DPP10: variants seen among roughly 807,000 people sequenced by gnomAD.
The protein encoded by DPP10 is dipeptidyl peptidase like 10.
DPP10 carries 33 observed loss-of-function variants against 120.9 expected under a neutral mutation model. That is an observed-to-expected ratio of 0.27 (90% CI 0.21 to 0.37). The LOEUF is 0.37. DPP10 is among the 10% of genes least tolerant of loss of function. The pLI, the probability that DPP10 is intolerant of heterozygous loss-of-function variation, is 1.00. For synonymous variants in DPP10, 337 were observed against 326.1 expected (o/e 1.03, Z -0.36); for missense variants, 816 against 942.8 (o/e 0.87, Z 1.76).
chr2:115,199,828 G>C (rs1244390542), intron 1 of DPP10, among the ~76,000 whole-genome samples: 1 of 152,042 alleles, frequency 6.6e-6, no homozygotes, highest in Non-Finnish European at 1.5e-5. Flanking sequence ...TAATTGACAG[G>C]TTGCAGATCT....
chr2:114,903,405 G>A (rs1054064239), intron 1 of DPP10, among the ~76,000 whole-genome samples: 1 of 152,180 alleles, frequency 6.6e-6, no homozygotes, highest in Non-Finnish European at 1.5e-5. Flanking sequence ...CACCAGTAAT[G>A]AATAAGAGAG....
At chr2:115,397,517 T>C (rs1374637948) in intron 3 of DPP10, among the ~76,000 whole-genome samples, 1 of 152,206 alleles carries the variant, frequency 6.6e-6, no homozygotes, top group Non-Finnish European at 1.5e-5. Context: ...AAAATTGTTA[T>C]AATTGGGTTA....
chr2:114,741,838 G>C (rs1276302669), intron 1 of DPP10, among the ~76,000 whole-genome samples: 1 of 152,124 alleles, frequency 6.6e-6, no homozygotes, highest in Non-Finnish European at 1.5e-5. Context: ...GGCAAGAAAG[G>C]ATTCTTTTCT....
chr2:115,775,142 A>G (rs1046230563), intron 13 of DPP10, among the ~76,000 whole-genome samples: 21 of 152,122 alleles, frequency 1.4e-4, no homozygotes, highest in African/African-American at 2.7e-4. Flanking sequence ...CAATAATTTT[A>G]TATGCATATA....
intron 1 of DPP10, among the ~76,000 whole-genome samples, chr2:115,251,738 A>G (rs1375700387): frequency 6.6e-6 from 1 of 152,206 alleles, no homozygotes; most frequent in East Asian, 1.9e-4. Context: ...CCCCAAGCAT[A>G]ATTCTGTTCT....
intron 1 of DPP10, among the ~76,000 whole-genome samples, chr2:114,534,202 C>A (rs906656821): frequency 1.3e-5 from 2 of 152,016 alleles, no homozygotes; most frequent in East Asian, 3.9e-4. Context: ...TCTGCATTAC[C>A]CTATCCCTCT....
At chr2:114,953,292 C>A (rs955029725) in intron 1 of DPP10, among the ~76,000 whole-genome samples, 1 of 151,980 alleles carries the variant, frequency 6.6e-6, no homozygotes, top group African/African-American at 2.4e-5. Flanking sequence ...GTTAAAATTA[C>A]GTTAATAAAG....
intron 1 of DPP10, among the ~76,000 whole-genome samples, chr2:115,029,610 AT>A (rs1414148529): frequency 6.6e-6 from 1 of 151,526 alleles, no homozygotes; most frequent in African/African-American, 2.4e-5. Flanking sequence ...CCTAGATGGC[AT>A]TTTTTTCTTT....
chr2:114,581,727 G>A (rs867382680), intron 1 of DPP10, among the ~76,000 whole-genome samples: 5 of 152,084 alleles, frequency 3.3e-5, no homozygotes, highest in African/African-American at 7.2e-5. Flanking sequence ...TTATATCTGT[G>A]TAAACTCATA....
chr2:115,130,837 A>G (rs903328307), intron 1 of DPP10: 2 of 152,192 alleles, frequency 1.3e-5, no homozygotes, highest in South Asian at 2.1e-4. Flanking sequence ...TATCCCCTGC[A>G]TTCTGTCAAT....
chr2:115,749,679 G>A (rs188471554), intron 10 of DPP10, among the ~76,000 whole-genome samples: 11 of 152,110 alleles, frequency 7.2e-5, no homozygotes, highest in African/African-American at 1.4e-4. Flanking sequence ...TTTGTAGAAC[G>A]CTAGCTATAA....
chr2:115,019,067 C>T (rs1702880457), intron 1 of DPP10, among the ~76,000 whole-genome samples: 1 of 151,676 alleles, frequency 6.6e-6, no homozygotes, highest in Admixed American at 6.6e-5. Context: ...CCTCCCCCAC[C>T]ATTCTCGCAC....
At position 115,525,924 on chromosome 2, in the gene DPP10, A is replaced by C; in HGVS notation, c.393A>C (p.Ser131=). ...TAACCTTCAAAGCATCAAGACATTCAGTTTCACCAGATTTAAAATATGTCC... is the reference window on the plus strand; with the variant it reads ...TAACCTTCAAAGCATCAAGACATTCCGTTTCACCAGATTTAAAATATGTCC... ...TFVTFKASRH[S]VSPDLKYVLL... Residue 131 remains serine, a synonymous_variant, in exon 5 of 26, where the codon TCA becomes TCC. Coordinates refer to ENST00000410059, the MANE Select transcript of DPP10 (RefSeq NM_020868.6). 1 of 1,609,724 alleles carries C rather than the reference A, an allele frequency of 6.2e-7. No homozygotes were observed. Among genetic ancestry groups the C allele is most frequent in the Non-Finnish European group, 8.5e-7 (1 of 1,178,390 alleles).
chr2:115,133,139 GTGTGTGTATATA>G (rs1304535625), intron 1 of DPP10, among the ~76,000 whole-genome samples: 41 of 67,288 alleles, frequency 6.1e-4, no homozygotes, highest in African/African-American at 2.4e-3. Flanking sequence ...GTGTGTGTGT[GTGTGTGTATATA>G]TATATATATA....
chr2:114,810,688 A>G (rs890876125), intron 1 of DPP10, among the ~76,000 whole-genome samples: 6 of 152,140 alleles, frequency 3.9e-5, no homozygotes, highest in Admixed American at 6.6e-5. Context: ...ATGTTACTAT[A>G]TTGGTGTTAT....
intron 25 of DPP10, among the ~76,000 whole-genome samples, chr2:115,841,192 T>C (rs895765712): frequency 1.3e-5 from 2 of 151,852 alleles, no homozygotes; most frequent in African/African-American, 4.8e-5. Flanking sequence ...GTCTTTATTA[T>C]TAAATATGAG....
At chr2:115,483,469 ATC>A (rs879601083) in intron 3 of DPP10, among the ~76,000 whole-genome samples, 2,117 of 88,792 alleles carry the variant, frequency 0.024, 20 homozygotes, top group African/African-American at 0.028. Flanking sequence ...CTATCTATCT[ATC>A]TATCTATCTG....
At chr2:115,436,461 A>G (rs533117787) in intron 3 of DPP10, among the ~76,000 whole-genome samples, 1 of 152,004 alleles carries the variant, frequency 6.6e-6, no homozygotes, top group Admixed American at 6.6e-5. Context: ...AAATACTTAA[A>G]TGACATAATT....
chr2:115,141,549 C>T (rs895802288), intron 1 of DPP10, among the ~76,000 whole-genome samples: 2 of 152,166 alleles, frequency 1.3e-5, no homozygotes, highest in Non-Finnish European at 2.9e-5. Flanking sequence ...GAAAAGCTGT[C>T]TCCAAATATT....
Sources: gnomAD v4.1 joint callset for allele counts (sites outside exome capture counted in the v4.1 genomes callset) on GRCh38, gnomAD v4.1.1 for gene constraint, MANE v1.5 for transcripts, NCBI Gene and HGNC (gene_info 2026-07-23, HGNC 2026-07-21) for gene names.